The following CYTH3 variants were observed in gnomAD, a reference collection of about 807,000 sequenced individuals.
CYTH3 encodes cytohesin 3.
Under a neutral mutation model 55.1 loss-of-function variants are expected in CYTH3, and 23 were observed. The observed-to-expected ratio is 0.42, with a 90% CI of 0.30 to 0.59. The LOEUF is 0.59. Ranked by LOEUF, CYTH3 falls within the 20% of genes least tolerant of loss-of-function variation. The pLI is 0.20. For synonymous variants in CYTH3, 249 were observed against 194.9 expected (o/e 1.28, Z -2.31); for missense variants, 413 against 524.8 (o/e 0.79, Z 2.08).
At chr7:6,198,660 A>T (rs1254333500) in intron 1 of CYTH3, among the ~76,000 whole-genome samples, 1 of 151,936 alleles carries the variant, frequency 6.6e-6, no homozygotes, top group Non-Finnish European at 1.5e-5. Flanking sequence ...CCTCCCAAGA[A>T]ATCTAGCGGT....
chr7:6,239,863 C>G (rs576659279), intron 1 of CYTH3, among the ~76,000 whole-genome samples: 47 of 152,272 alleles, frequency 3.1e-4, no homozygotes, highest in Middle Eastern at 3.4e-3. Context: ...TGGTAACAGA[C>G]TTGAACAAAT....
chr7:6,213,692 C>G (rs894888102), intron 1 of CYTH3, among the ~76,000 whole-genome samples: 3 of 151,982 alleles, frequency 2.0e-5, no homozygotes, highest in African/African-American at 7.3e-5. Context: ...CTTTGGTGCT[C>G]TCTTCGGGTG....
rs1418996579 is a variant in CYTH3, at chr7:6,171,052, G to A, written c.563-74C>T. ...GTGGGACCCCGCGTGCTGGGGGCCC[G>A]CCTGCAAGAGGTGCCCGGCCCACAG... On this transcript the variant is annotated intron_variant, in intron 7 of 12. Coordinates refer to ENST00000350796, the MANE Select transcript of CYTH3 (RefSeq NM_004227.4). The surrounding 1 kb of genome is among the most constrained non-coding windows in gnomAD (Gnocchi z 6.7). The A allele has an allele frequency of 6.3e-7, 1 of 1,593,840 alleles. No individual in the cohort carries two copies. Among genetic ancestry groups the A allele is most frequent in the South Asian group, 1.1e-5 (1 of 89,696 alleles).
At chr7:6,197,590 G>A (rs1231738094) in intron 1 of CYTH3, among the ~76,000 whole-genome samples, 2 of 152,144 alleles carry the variant, frequency 1.3e-5, no homozygotes, top group Non-Finnish European at 2.9e-5. Flanking sequence ...GGGTGAAGCA[G>A]GAGAAATGCT....
intron 1 of CYTH3, among the ~76,000 whole-genome samples, chr7:6,242,654 C>T (rs1436083403): frequency 6.6e-6 from 1 of 152,090 alleles, no homozygotes; most frequent in Non-Finnish European, 1.5e-5. Context: ...GGATTACAGG[C>T]GTGAAGAGGG....
intron 1 of CYTH3, among the ~76,000 whole-genome samples, chr7:6,200,647 G>C (rs1784038015): frequency 6.6e-6 from 1 of 152,182 alleles, no homozygotes; most frequent in South Asian, 2.1e-4. Context: ...GCAAAGCATG[G>C]GCTTTGAGCA....
intron 5 of CYTH3, among the ~76,000 whole-genome samples, chr7:6,175,634 G>A (rs1396164469): frequency 7.2e-6 from 1 of 139,744 alleles, no homozygotes; most frequent in Non-Finnish European, 1.5e-5. Context: ...TGCAGCCTCT[G>A]CCTCCTGGGT....
At chr7:6,253,367 C>T (rs546203483) in intron 1 of CYTH3, among the ~76,000 whole-genome samples, 2 of 151,902 alleles carry the variant, frequency 1.3e-5, no homozygotes, top group African/African-American at 2.4e-5. Context: ...GCACCATGCC[C>T]AGTTAATTTT....
chr7:6,183,350 T>C (rs1783554498), intron 4 of CYTH3, among the ~76,000 whole-genome samples: 1 of 152,258 alleles, frequency 6.6e-6, no homozygotes, highest in Admixed American at 6.5e-5. Flanking sequence ...CCTCAATTTC[T>C]AGTCCACTGA....
intron 1 of CYTH3, among the ~76,000 whole-genome samples, chr7:6,250,984 T>C (rs1462674824): frequency 6.6e-6 from 1 of 152,090 alleles, no homozygotes; most frequent in Non-Finnish European, 1.5e-5. Context: ...CAATCATACA[T>C]AAATCTGAGA....
intron 4 of CYTH3, among the ~76,000 whole-genome samples, chr7:6,181,466 C>G (rs1454584293): frequency 6.6e-6 from 1 of 152,202 alleles, no homozygotes; most frequent in South Asian, 2.1e-4. Flanking sequence ...TGTCTTTGAT[C>G]CAGCATCCCT....
chr7:6,202,548 C>G (rs558109856), intron 1 of CYTH3, among the ~76,000 whole-genome samples: 7 of 151,580 alleles, frequency 4.6e-5, no homozygotes, highest in African/African-American at 1.7e-4. Flanking sequence ...ACCGCAACCT[C>G]CGCCTCCTGG....
chr7:6,256,369 C>T (rs1780104965), intron 1 of CYTH3, among the ~76,000 whole-genome samples: 1 of 152,244 alleles, frequency 6.6e-6, no homozygotes, highest in South Asian at 2.1e-4. Flanking sequence ...GCTGAAAGGA[C>T]TAGGATAGTG....
At chr7:6,235,576 T>G (rs568393992) in intron 1 of CYTH3, among the ~76,000 whole-genome samples, 1 of 152,018 alleles carries the variant, frequency 6.6e-6, no homozygotes, top group Admixed American at 6.6e-5. Context: ...GAGCGGCCCC[T>G]AGGTCCTGCC....
intron 4 of CYTH3, among the ~76,000 whole-genome samples, chr7:6,185,497 C>T (rs1291579480): frequency 6.6e-6 from 1 of 151,976 alleles, no homozygotes; most frequent in Non-Finnish European, 1.5e-5. Context: ...GAGATCGAGA[C>T]CATCCTAGCT....
chr7:6,252,856 C>T (rs907804624), intron 1 of CYTH3, among the ~76,000 whole-genome samples: 8 of 152,038 alleles, frequency 5.3e-5, no homozygotes, highest in Non-Finnish European at 1.2e-4. Flanking sequence ...AAAACCATGG[C>T]CAAATATTAA....
chr7:6,258,260 C>G (rs1239072619), intron 1 of CYTH3, among the ~76,000 whole-genome samples: 2 of 151,286 alleles, frequency 1.3e-5, no homozygotes, highest in East Asian at 1.9e-4. Flanking sequence ...CCGCAAAGAG[C>G]CATGATCATG....
rs750195646 is a variant in CYTH3 at position 6,170,118 on chromosome 7, A to T, written c.823+417T>A. 5.6e-5 allele frequency: 10 copies of T among 179,810 alleles called. No homozygotes were observed. The highest frequency in any genetic ancestry group is 1.1e-4 in the Non-Finnish European group (9 of 85,138). The allele number at this position is 179,810 out of a possible 1,614,324, so 11.1% of individuals were successfully genotyped here. On this transcript the variant is annotated intron_variant, in intron 9 of 12. Transcript: ENST00000350796. The surrounding 1 kb of genome is among the most constrained non-coding windows in gnomAD (Gnocchi z 7.8). ...AAGCAGGGACAGCCCGTCACAGAAC[A>T]GAAAGGTGGGAGCCACAGGCAGAAG...
intron 1 of CYTH3, among the ~76,000 whole-genome samples, chr7:6,227,697 G>A (rs1424824894): frequency 6.6e-6 from 1 of 152,220 alleles, no homozygotes; most frequent in Non-Finnish European, 1.5e-5. Flanking sequence ...CAACAACTAT[G>A]TTTTCAATAA....
Sources: gnomAD v4.1 joint callset for allele counts (sites outside exome capture counted in the v4.1 genomes callset) on GRCh38, gnomAD v4.1.1 for gene constraint, Gnocchi (gnomAD v3.1) non-coding constraint, MANE v1.5 for transcripts, NCBI Gene and HGNC (gene_info 2026-07-23, HGNC 2026-07-21) for gene names.